SOX6: variants seen among roughly 807,000 people sequenced by gnomAD.
SOX6 encodes the protein SRY-box transcription factor 6, also known as transcription factor SOX-6.
In SOX6, 11 loss-of-function variants were observed where a neutral mutation model predicts 97.8. That is an observed-to-expected ratio of 0.11 (90% confidence interval 0.07 to 0.19). SOX6 has a LOEUF of 0.19. Ranked by LOEUF, SOX6 falls within the 10% of genes least tolerant of loss-of-function variation. The pLI, the probability that SOX6 is intolerant of heterozygous loss-of-function variation, is 1.00. For synonymous variants in SOX6, 360 were observed against 371.4 expected (o/e 0.97, Z 0.35); for missense variants, 810 against 1,039.5 (o/e 0.78, Z 3.04).
At chr11:15,983,279 G>A (rs1176254582) in intron 15 of SOX6, among the ~76,000 whole-genome samples, 2 of 151,784 alleles carry the variant, frequency 1.3e-5, no homozygotes. Context: ...CTTACTCTGC[G>A]AACTGAAGAG....
At chr11:16,467,691 G>T (rs1446351582) in intron 1 of SOX6, among the ~76,000 whole-genome samples, 3 of 152,128 alleles carry the variant, frequency 2.0e-5, no homozygotes, top group African/African-American at 7.2e-5. Context: ...TGGTACTTGG[G>T]TTAATACCTG....
intron 3 of SOX6, among the ~76,000 whole-genome samples, chr11:16,288,701 C>T (rs180898307): frequency 1.3e-5 from 2 of 152,000 alleles, no homozygotes; most frequent in East Asian, 3.9e-4. Context: ...AGTTTCATAA[C>T]AGTTCAGTTA....
intron 3 of SOX6, among the ~76,000 whole-genome samples, chr11:16,266,021 T>A (rs1298378416): frequency 6.6e-6 from 1 of 151,730 alleles, no homozygotes; most frequent in Admixed American, 6.6e-5. Flanking sequence ...AGAAAAAATA[T>A]TGAAAATATA....
At chr11:16,272,115 A>C (rs1034967677) in intron 3 of SOX6, among the ~76,000 whole-genome samples, 1 of 151,396 alleles carries the variant, frequency 6.6e-6, no homozygotes, top group Non-Finnish European at 1.5e-5. Flanking sequence ...TTTTAGTAAA[A>C]ATTTTTCTTT....
intron 15 of SOX6, 144 bp downstream of exon 15, chr11:15,986,060 G>T: frequency 1.2e-6 from 1 of 828,618 alleles, no homozygotes; most frequent in Non-Finnish European, 2.1e-6. Flanking sequence ...CTATGACACA[G>T]CAAAGATTCT....
intron 6 of SOX6, among the ~76,000 whole-genome samples, chr11:16,151,160 A>G (rs937490575): frequency 6.6e-6 from 1 of 152,184 alleles, no homozygotes; most frequent in Non-Finnish European, 1.5e-5. Context: ...TTTTTTAATG[A>G]CATTGGGTCA....
intron 4 of SOX6, among the ~76,000 whole-genome samples, chr11:16,187,739 G>T (rs1174572160): frequency 6.6e-6 from 1 of 152,154 alleles, no homozygotes; most frequent in Non-Finnish European, 1.5e-5. Flanking sequence ...CTTATGGTAT[G>T]CACTAATGGT....
chr11:16,020,696 T>A (rs1044131142), intron 12 of SOX6, among the ~76,000 whole-genome samples: 2 of 152,110 alleles, frequency 1.3e-5, no homozygotes, highest in African/African-American at 4.8e-5. Flanking sequence ...ATCTACCTAC[T>A]CTCTGCTATA....
At chr11:16,470,398 C>A (rs1349932370) in intron 1 of SOX6, among the ~76,000 whole-genome samples, 4 of 152,096 alleles carry the variant, frequency 2.6e-5, no homozygotes, top group African/African-American at 9.7e-5. Context: ...GATTTCTTTC[C>A]ATTTTAAAAT....
At position 16,416,169 on chromosome 11, in the gene SOX6, T is replaced by G. The variant is rs113197182; in HGVS notation, c.-5+60146A>C. ...TCAGCTGGAAAAATACACCTTCACATTTAGACCCACATGATTCACAATCAA... is the reference window on the plus strand; with the variant it reads ...TCAGCTGGAAAAATACACCTTCACAGTTAGACCCACATGATTCACAATCAA... On this transcript the variant is annotated intron_variant, in intron 1 of 15. Transcript: ENST00000396356. Among the ~76,000 whole-genome samples, 1,322 of 152,264 alleles carry G rather than the reference T, an allele frequency of 8.7e-3. 6 individuals are homozygous for G. Among genetic ancestry groups the G allele is most frequent in the South Asian group, 0.016 (75 of 4,820 alleles).
chr11:16,584,191 A>C (rs886763896), intron 4 of SOX6, among the ~76,000 whole-genome samples: 13 of 152,208 alleles, frequency 8.5e-5, no homozygotes, highest in African/African-American at 2.7e-4. Flanking sequence ...AGGAGGAAGT[A>C]ATTCCCTATT....
chr11:16,186,642 T>C, intron 5 of SOX6, 141 bp downstream of exon 5: 1 of 1,109,052 alleles, frequency 9.0e-7, no homozygotes, highest in Non-Finnish European at 1.3e-6. Context: ...CCAGAAGGCT[T>C]TGTTTTTTTT....
At chr11:16,614,405 G>C (rs935433000) in intron 3 of SOX6, among the ~76,000 whole-genome samples, 3 of 152,148 alleles carry the variant, frequency 2.0e-5, no homozygotes, top group African/African-American at 7.2e-5. Flanking sequence ...CGTTCAGGCA[G>C]CCCGGCCGCC....
At chr11:16,132,390 GAAAGAAAGA>G (rs1849801815) in intron 6 of SOX6, among the ~76,000 whole-genome samples, 2 of 71,068 alleles carry the variant, frequency 2.8e-5, no homozygotes, top group African/African-American at 1.3e-4. Flanking sequence ...AAGAAAGAAA[GAAAGAAAGA>G]AAAAAGAAAG....
intron 3 of SOX6, among the ~76,000 whole-genome samples, chr11:16,691,577 A>T (rs1168138741): frequency 6.6e-6 from 1 of 152,192 alleles, no homozygotes; most frequent in Non-Finnish European, 1.5e-5. Context: ...CAGGTGGATC[A>T]CTTGGCCTCA....
rs1211984903 is a variant in SOX6 at position 16,613,307 on chromosome 11, A to G, written n.430-1047T>C. On this transcript the variant is annotated intron_variant and non_coding_transcript_variant, in intron 3 of 5. Coordinates refer to the SOX6 transcript ENST00000524520. This position sits in a 1 kb window ranked among gnomAD's most constrained non-coding sequence, Gnocchi z 4.6. The stretch of plus-strand genomic sequence containing the variant: ...ACCCCTGCCACTCAGATCAGCCGGC[A>G]TGCACCCTGGAGAAGGGCACAAACA... 1 of 152,370 alleles carries G rather than the reference A, an allele frequency of 6.6e-6. No individual in the cohort carries two copies. The highest frequency in any genetic ancestry group is 1.5e-5 in the Non-Finnish European group (1 of 68,302). The allele number at this position is 152,370 out of a possible 1,614,324, so 9.4% of individuals were successfully genotyped here.
intron 2 of SOX6, among the ~76,000 whole-genome samples, chr11:16,327,029 T>C (rs1856117343): frequency 6.6e-6 from 1 of 152,176 alleles, no homozygotes; most frequent in Non-Finnish European, 1.5e-5. Context: ...TCTTACGTGG[T>C]GTCTCAGAGA....
chr11:16,246,976 AC>A (rs1413166427), intron 3 of SOX6, among the ~76,000 whole-genome samples: 1 of 151,904 alleles, frequency 6.6e-6, no homozygotes, highest in Non-Finnish European at 1.5e-5. Context: ...AACTATAGAA[AC>A]CCTCCTGTGA....
At chr11:16,305,652 G>A (rs1855406537) in intron 3 of SOX6, among the ~76,000 whole-genome samples, 1 of 152,182 alleles carries the variant, frequency 6.6e-6, no homozygotes, top group Non-Finnish European at 1.5e-5. Flanking sequence ...CTGCACAGAT[G>A]TTCTTCAACA....
Sources: allele counts gnomAD v4.1 joint callset (sites outside exome capture counted in the v4.1 genomes callset), GRCh38; gene constraint gnomAD v4.1.1; non-coding constraint Gnocchi (gnomAD v3.1); transcripts MANE v1.5; gene names NCBI Gene and HGNC (gene_info 2026-07-23, HGNC 2026-07-21).